The following HOOK3 variants were observed in gnomAD, a reference collection of about 807,000 sequenced individuals.
HOOK3 encodes the protein protein Hook homolog 3.
Under a neutral mutation model 116.3 loss-of-function variants are expected in HOOK3, and 24 were observed. The ratio of observed to expected loss-of-function variants is 0.21; its 90% CI spans 0.15 to 0.29. HOOK3 has a LOEUF of 0.29. HOOK3 is among the 10% of genes least tolerant of loss of function. HOOK3 has a pLI of 1.00. For missense variants in HOOK3, 632 were observed against 830.2 expected (o/e 0.76, Z 2.93); for synonymous variants, 275 against 283.0 (o/e 0.97, Z 0.28).
At chr8:42,913,777 A>G (rs1033472249) in intron 2 of HOOK3, among the ~76,000 whole-genome samples, 1 of 152,122 alleles carries the variant, frequency 6.6e-6, no homozygotes, top group Admixed American at 6.5e-5. Context: ...AGTCTCACCA[A>G]CACTTGCTAA....
chr8:42,932,131 C>T (rs1055288480), intron 4 of HOOK3, among the ~76,000 whole-genome samples: 3 of 152,168 alleles, frequency 2.0e-5, no homozygotes, highest in Non-Finnish European at 4.4e-5. Flanking sequence ...AGTGCTATTA[C>T]ACTGCAGGCA....
At chr8:42,976,020 ATGTGTGTGTGTATATATATATG>A (rs1808820050) in intron 13 of HOOK3, among the ~76,000 whole-genome samples, 1 of 149,730 alleles carries the variant, frequency 6.7e-6, no homozygotes, top group African/African-American at 2.5e-5. Flanking sequence ...GTAGATGTAG[ATGTGTGTGTGTATATATATATG>A]TGTGTGTGTG....
intron 1 of HOOK3, among the ~76,000 whole-genome samples, chr8:42,904,976 G>T (rs973411036): frequency 6.6e-6 from 1 of 152,190 alleles, no homozygotes; most frequent in African/African-American, 2.4e-5. Context: ...TCTAAATCCT[G>T]AGTACACTAC....
At chr8:42,940,107 G>A (rs531467731) in intron 4 of HOOK3, among the ~76,000 whole-genome samples, 6 of 152,352 alleles carry the variant, frequency 3.9e-5, no homozygotes, top group East Asian at 3.9e-4. Flanking sequence ...CTGCAATCTC[G>A]GCACTTTGGG....
intron 3 of HOOK3, 65 bp from the exon 4 acceptor site, chr8:42,930,057 T>G (rs1807844715): frequency 6.9e-7 from 1 of 1,453,898 alleles, no homozygotes; most frequent in African/African-American, 1.4e-5. Context: ...CAGAAATTTT[T>G]TATGTTAAAT....
chr8:43,020,279 T>C lies in HOOK3; in HGVS notation c.*1781T>C, dbSNP rs187772931. The C allele has an allele frequency of 1.2e-4, 25 of 200,186 alleles. No homozygotes were observed. The East Asian group carries it at 1.9e-3, about 16-fold the overall frequency. The allele number at this position is 200,186 out of a possible 1,614,324, so 12.4% of individuals were successfully genotyped here. ...AGTTAGGGATAAATGGAGATAGCCATGAGTAGAACTGCTGTAGGGCTTCAG... is the reference window on the plus strand; with the variant it reads ...AGTTAGGGATAAATGGAGATAGCCACGAGTAGAACTGCTGTAGGGCTTCAG... On this transcript the variant is annotated 3_prime_UTR_variant, in exon 22 of 22. Coordinates refer to ENST00000307602, the MANE Select transcript of HOOK3 (RefSeq NM_032410.4).
intron 15 of HOOK3, among the ~76,000 whole-genome samples, chr8:42,992,098 A>G (rs974613969): frequency 6.6e-6 from 1 of 152,108 alleles, no homozygotes; most frequent in Admixed American, 6.6e-5. Context: ...CTGTTGGCCT[A>G]TAGAAATGTT....
chr8:42,983,010 T>C (rs892692356), intron 14 of HOOK3, among the ~76,000 whole-genome samples: 16 of 152,306 alleles, frequency 1.1e-4, no homozygotes, highest in African/African-American at 3.8e-4. Context: ...TGCTTAGCTA[T>C]AAGCATGCAA....
intron 14 of HOOK3, 50 bp downstream of exon 14, chr8:42,982,746 A>G (rs770382643): frequency 2.6e-6 from 3 of 1,162,290 alleles, no homozygotes; most frequent in Non-Finnish European, 3.9e-6. Context: ...TTCTTGGAGA[A>G]AACGTACTTC....
intron 18 of HOOK3, 95 bp downstream of exon 18, chr8:43,008,024 A>T (rs571604613): frequency 1.1e-5 from 6 of 526,952 alleles, no homozygotes; most frequent in South Asian, 5.2e-5. Flanking sequence ...TTTATTTTTT[A>T]TTTTTATTTT....
intron 4 of HOOK3, among the ~76,000 whole-genome samples, chr8:42,932,744 A>G (rs1328690330): frequency 3.3e-5 from 5 of 152,190 alleles, no homozygotes; most frequent in Non-Finnish European, 7.3e-5. Flanking sequence ...TATATTCATT[A>G]CTACATGATT....
At chr8:42,973,496 T>C (rs1463071815) in intron 12 of HOOK3, 97 bp downstream of exon 12, 1 of 745,312 alleles carries the variant, frequency 1.3e-6, no homozygotes, top group Non-Finnish European at 2.0e-6. Context: ...AAGTTATGAA[T>C]TTAAAAATTA....
At position 43,028,436 on chromosome 8, in the gene HOOK3, G is replaced by C; in HGVS notation, c.*9938G>C. On this transcript the variant is annotated 3_prime_UTR_variant, in exon 22 of 22. Coordinates refer to ENST00000307602, the MANE Select transcript of HOOK3 (RefSeq NM_032410.4). ...CATATGAATGCTTATTTCAAATAAA[G>C]ATTGATAGATTTAATGATATCCTTC... 1 of 185,222 alleles carries C rather than the reference G, an allele frequency of 5.4e-6. No individual in the cohort carries two copies. The highest frequency in any genetic ancestry group is 1.1e-5 in the Non-Finnish European group (1 of 87,554). 11.5% of individuals were successfully genotyped at this position (185,222 alleles called of 1,614,324 possible). A position where few individuals can be genotyped will look rare whatever the true frequency, so the allele number is the denominator to read the frequency against.
chr8:42,996,373 G>C (rs1165399794), intron 15 of HOOK3, among the ~76,000 whole-genome samples: 2 of 139,660 alleles, frequency 1.4e-5, no homozygotes, highest in Admixed American at 7.6e-5. Context: ...GCAACAGAAG[G>C]AGACTCCGTC....
intron 4 of HOOK3, among the ~76,000 whole-genome samples, chr8:42,931,371 C>G (rs1417797543): frequency 1.3e-5 from 2 of 150,960 alleles, no homozygotes; most frequent in East Asian, 3.9e-4. Context: ...TATCAGCAGT[C>G]TCCTTATTTG....
At position 43,023,234 on chromosome 8, in the gene HOOK3, A is replaced by T. The variant is rs1449352202; in HGVS notation, c.*4736A>T. On this transcript the variant is annotated 3_prime_UTR_variant, in exon 22 of 22. Coordinates refer to ENST00000307602, the MANE Select transcript of HOOK3 (RefSeq NM_032410.4). ...AAAAAAAAAAAAAAAAAAAAGAAAC[A>T]TCAGCCTGTATATTCCAGTAGTTCT... 6.0e-6 allele frequency: 1 copy of T among 166,796 alleles called. No individual in the cohort carries two copies. Among genetic ancestry groups the T allele is most frequent in the Non-Finnish European group, 1.3e-5 (1 of 77,236 alleles). The allele number at this position is 166,796 out of a possible 1,614,324, so 10.3% of individuals were successfully genotyped here.
chr8:42,900,733 A>G (rs771561791), intron 1 of HOOK3, among the ~76,000 whole-genome samples: 5 of 152,214 alleles, frequency 3.3e-5, no homozygotes, highest in Non-Finnish European at 5.9e-5. Flanking sequence ...TTTGTTCTAT[A>G]CTAACTGATG....
intron 1 of HOOK3, among the ~76,000 whole-genome samples, chr8:42,898,840 C>T (rs1334195524): frequency 1.3e-5 from 2 of 152,218 alleles, no homozygotes; most frequent in Non-Finnish European, 2.9e-5. Flanking sequence ...ACCGTCCAAA[C>T]GGTAGCTTAG....
At chr8:42,924,449 A>T (rs1464208385) in intron 2 of HOOK3, among the ~76,000 whole-genome samples, 1 of 152,022 alleles carries the variant, frequency 6.6e-6, no homozygotes, top group Non-Finnish European at 1.5e-5. Flanking sequence ...ATGTTTGTCC[A>T]CACCAGTGTT....
Sources: allele counts gnomAD v4.1 joint callset (sites outside exome capture counted in the v4.1 genomes callset), GRCh38; gene constraint gnomAD v4.1.1; transcripts MANE v1.5; gene names NCBI Gene and HGNC (gene_info 2026-07-23, HGNC 2026-07-21).